LARGE1: variants seen among roughly 807,000 people sequenced by gnomAD.
The protein encoded by LARGE1 is LARGE xylosyl- and glucuronyltransferase 1.
LARGE1 carries 43 observed loss-of-function variants against 87.6 expected under a neutral mutation model. The ratio of observed to expected loss-of-function variants is 0.49; its 90% confidence interval spans 0.38 to 0.63. The LOEUF (loss-of-function observed/expected upper bound fraction) is 0.63. Ranked by LOEUF, LARGE1 falls within the 30% of genes least tolerant of loss-of-function variation. LARGE1 has a pLI of 0.00. For missense variants in LARGE1, 802 were observed against 1,000.2 expected (o/e 0.80, Z 2.67); for synonymous variants, 434 against 394.6 (o/e 1.10, Z -1.18).
chr22:33,726,299 T>C (rs2083271614), intron 2 of LARGE1: 1 of 152,162 alleles, frequency 6.6e-6, no homozygotes, highest in Admixed American at 6.5e-5. Flanking sequence ...GGATGAAAAG[T>C]AGTCCTAAGC....
intron 3 of LARGE1, among the ~76,000 whole-genome samples, chr22:33,634,489 A>G (rs1569329048): frequency 1.3e-5 from 2 of 152,096 alleles, no homozygotes; most frequent in Non-Finnish European, 2.9e-5. Flanking sequence ...CAAATAATCT[A>G]TTTCCAATTC....
chr22:33,131,971 C>T, the LARGE1 span, among the ~76,000 whole-genome samples: 24 of 151,916 alleles, frequency 1.6e-4, no homozygotes, highest in African/African-American at 5.8e-4. Flanking sequence ...TGCAGAAAAA[C>T]TCCCGTTTTT....
upstream of LARGE1, chr22:33,922,557 A>T (rs1374045256): frequency 6.6e-6 from 1 of 152,226 alleles, no homozygotes; most frequent in Non-Finnish European, 1.5e-5. Context: ...GCGAAGAAGT[A>T]AAAGACGTTT....
At chr22:33,575,907 G>A (rs940241414) in intron 5 of LARGE1, among the ~76,000 whole-genome samples, 1 of 152,184 alleles carries the variant, frequency 6.6e-6, no homozygotes, top group Non-Finnish European at 1.5e-5. Flanking sequence ...GAGGGGATTG[G>A]TCACTGGAGC....
At chr22:33,565,272 C>T (rs1262046072) in intron 5 of LARGE1, among the ~76,000 whole-genome samples, 1 of 151,936 alleles carries the variant, frequency 6.6e-6, no homozygotes. Flanking sequence ...TACTGCAAAT[C>T]CTATGTTGAG....
intron 6 of LARGE1, among the ~76,000 whole-genome samples, chr22:33,440,661 C>T (rs1569165022): frequency 6.6e-6 from 1 of 152,188 alleles, no homozygotes. Context: ...TTACCGTTTA[C>T]TAAACCTCCT....
intron 7 of LARGE1, among the ~76,000 whole-genome samples, chr22:33,420,158 T>A (rs941703141): frequency 7.9e-5 from 12 of 152,304 alleles, no homozygotes; most frequent in Non-Finnish European, 1.8e-4. Context: ...CCATGAGAAA[T>A]GCTGCTCTAT....
In LARGE1 at chr22:33,623,704, T is replaced by G. The variant is rs1569320690; in HGVS notation, c.491+2540A>C. 2.9e-5 allele frequency among the ~76,000 whole-genome samples: 3 copies of G among 102,074 alleles called. No individual in the cohort carries two copies. The South Asian group carries it at 1.1e-3, about 37-fold the overall frequency. 67.0% of individuals were successfully genotyped at this position (102,074 alleles called of 152,430 possible). A position where few individuals can be genotyped will look rare whatever the true frequency, so the allele number is the denominator to read the frequency against. On this transcript the variant is annotated intron_variant, in intron 4 of 14. Coordinates refer to ENST00000397394, the MANE Select transcript of LARGE1 (RefSeq NM_133642.5). ...TGACACACAGCAAAAGTTAACTGATTTAAAAAAAAAAAAAAAAAAAACCTA... is the reference window on the plus strand; with the variant it reads ...TGACACACAGCAAAAGTTAACTGATGTAAAAAAAAAAAAAAAAAAAACCTA...
chr22:33,380,320 A>C (rs1344719953), intron 9 of LARGE1, among the ~76,000 whole-genome samples: 1 of 152,210 alleles, frequency 6.6e-6, no homozygotes, highest in Non-Finnish European at 1.5e-5. Flanking sequence ...GATGGAAGGA[A>C]TGAATGTTGC....
intron 1 of LARGE1, among the ~76,000 whole-genome samples, chr22:33,883,007 T>C (rs2064742031): frequency 6.6e-6 from 1 of 152,162 alleles, no homozygotes. Context: ...GGAAAACTCA[T>C]CACTTTGGGC....
chr22:33,638,155 G>A (rs564313795), intron 3 of LARGE1, among the ~76,000 whole-genome samples: 92 of 152,314 alleles, frequency 6.0e-4, no homozygotes, highest in Admixed American at 4.1e-3. Flanking sequence ...GATATGGAAA[G>A]ATAGCTGGCA....
intron 1 of LARGE1, among the ~76,000 whole-genome samples, chr22:33,818,750 T>C (rs757542409): frequency 6.6e-6 from 1 of 152,190 alleles, no homozygotes; most frequent in Non-Finnish European, 1.5e-5. Flanking sequence ...CCTGTGATTT[T>C]TGTTGGTTGT....
intron 6 of LARGE1, chr22:33,562,844 A>G (rs2077901794): frequency 6.6e-6 from 1 of 152,628 alleles, no homozygotes; most frequent in African/African-American, 2.4e-5. Flanking sequence ...TACTTATCCA[A>G]CGGAGACTTA....
intron 6 of LARGE1, among the ~76,000 whole-genome samples, chr22:33,474,684 T>G (rs1314799160): frequency 6.6e-6 from 1 of 151,978 alleles, no homozygotes; most frequent in Non-Finnish European, 1.5e-5. Flanking sequence ...ACATCTGCTT[T>G]GACATAATAA....
At chr22:33,704,314 G>A (rs1016676122) in intron 2 of LARGE1, among the ~76,000 whole-genome samples, 1 of 152,222 alleles carries the variant, frequency 6.6e-6, no homozygotes, top group African/African-American at 2.4e-5. Flanking sequence ...GCAGACAGGG[G>A]AACTTACTGG....
chr22:33,252,797 T>A (rs1191876148), intron 11 of LARGE1, among the ~76,000 whole-genome samples: 4 of 152,216 alleles, frequency 2.6e-5, no homozygotes, highest in Non-Finnish European at 5.9e-5. Context: ...TCGTATTCTT[T>A]ACAAATGCTT....
rs755966846 is a variant in LARGE1, at chr22:33,605,966, GA to G, written c.492-1409del. Among the ~76,000 whole-genome samples, 102 of 152,316 alleles carry G rather than the reference GA, an allele frequency of 6.7e-4. 1 individual carries two copies. The highest frequency in any genetic ancestry group is 1.5e-4 in the Non-Finnish European group (10 of 68,040). ...GAAATGCAGGACTTTGACAAGAGAA[GA>G]AGGCAGAGGGGATGCAATCTGAGGA... On this transcript the variant is annotated intron_variant, in intron 4 of 14. Transcript: ENST00000397394.
At chr22:33,917,032 C>T (rs374690177) in intron 1 of LARGE1, among the ~76,000 whole-genome samples, 4 of 152,316 alleles carry the variant, frequency 2.6e-5, no homozygotes, top group African/African-American at 7.2e-5. Context: ...GTGCACTACA[C>T]GTATGGGTAA....
intron 2 of LARGE1, among the ~76,000 whole-genome samples, chr22:33,680,886 T>A (rs1283430374): frequency 1.3e-5 from 2 of 152,162 alleles, no homozygotes; most frequent in Non-Finnish European, 2.9e-5. Context: ...TGAAGTGCTC[T>A]TTGTGTTAAA....
Sources: allele counts gnomAD v4.1 joint callset (sites outside exome capture counted in the v4.1 genomes callset), GRCh38; gene constraint gnomAD v4.1.1; transcripts MANE v1.5; gene names NCBI Gene and HGNC (gene_info 2026-07-23, HGNC 2026-07-21).